USP3: variants seen among roughly 807,000 people sequenced by gnomAD.
The protein encoded by USP3 is ubiquitin carboxyl-terminal hydrolase 3.
Under a neutral mutation model 72.3 loss-of-function variants are expected in USP3, and 20 were observed. The ratio of observed to expected loss-of-function variants is 0.28; its 90% CI spans 0.19 to 0.40. USP3 has a LOEUF of 0.40. Among genes scored for constraint, USP3 ranks in the 10% least tolerant of loss-of-function variants. The probability of loss-of-function intolerance (pLI) is 1.00; values close to 1 mark genes in which losing one functional copy is unlikely to be tolerated. For synonymous variants in USP3, 222 were observed against 225.3 expected (o/e 0.99, Z 0.13); for missense variants, 479 against 633.9 (o/e 0.76, Z 2.62).
intron 3 of USP3, among the ~76,000 whole-genome samples, chr15:63,543,790 AAC>A (rs2066280239): frequency 6.6e-6 from 1 of 152,258 alleles, no homozygotes; most frequent in South Asian, 2.1e-4. Context: ...ATCTAATAAA[AAC>A]ACAGACTAAT....
At chr15:63,525,365 ATCTCCTGTTGCCCTTTATGAGAAC>A (rs996643820) in intron 1 of USP3, among the ~76,000 whole-genome samples, 3 of 152,022 alleles carry the variant, frequency 2.0e-5, no homozygotes, top group Admixed American at 6.6e-5. Flanking sequence ...GACCCTAAGT[ATCTCCTGTTGCCCTTTATGAGAAC>A]TCTCCTGTTG....
Position 63,570,529 on chromosome 15 carries a change from A to C in USP3, c.858A>C (p.Ser286=). The C allele has an allele frequency of 6.2e-7, 1 of 1,614,208 alleles. No individual in the cohort carries two copies. The highest frequency in any genetic ancestry group is 8.5e-7 in the Non-Finnish European group (1 of 1,180,016). Residue 286 remains serine, a synonymous_variant, in exon 9 of 15, where the codon TCA becomes TCC. Coordinates refer to ENST00000380324, the MANE Select transcript of USP3 (RefSeq NM_006537.4). This position sits in a 1 kb window ranked among gnomAD's most constrained non-coding sequence, Gnocchi z 4.4. ...GCGGTTTCAACGGTGTTTCCCGCTC[A>C]GCAATTCTGCAGGAGAATTCTACTC... ...LQGGFNGVSR[S]AILQENSTLS...
chr15:63,576,135 T>TA (rs1239260820), intron 11 of USP3, among the ~76,000 whole-genome samples: 1 of 152,012 alleles, frequency 6.6e-6, no homozygotes, highest in African/African-American at 2.4e-5. Flanking sequence ...TACAGGCGTA[T>TA]GCCACCACAC....
At chr15:63,546,590 C>G (rs1245023139) in intron 3 of USP3, among the ~76,000 whole-genome samples, 1 of 151,956 alleles carries the variant, frequency 6.6e-6, no homozygotes, top group Non-Finnish European at 1.5e-5. Flanking sequence ...ATCTGTTTGC[C>G]TTTATTTTAT....
At chr15:63,519,544 C>T (rs1406884396) in intron 1 of USP3, among the ~76,000 whole-genome samples, 3 of 152,118 alleles carry the variant, frequency 2.0e-5, no homozygotes, top group African/African-American at 7.2e-5. Context: ...TTTGGTGATA[C>T]TAACTTTGAT....
At position 63,508,191 on chromosome 15, in the gene USP3, A is replaced by G. The variant is rs78247053; in HGVS notation, c.91+3361A>G. Among the ~76,000 whole-genome samples, 658 of 152,316 alleles carry G rather than the reference A, an allele frequency of 4.3e-3. 7 individuals carry two copies. The highest frequency in any genetic ancestry group is 0.015 in the African/African-American group (633 of 41,570). Reference sequence around the variant, plus strand: ...TGGATCCCCTGAATGGGTCCTGGAAACTTTCAGGGGTCCAGGACCACACTT... The same window carrying G: ...TGGATCCCCTGAATGGGTCCTGGAAGCTTTCAGGGGTCCAGGACCACACTT... On this transcript the variant is annotated intron_variant, in intron 1 of 14. Transcript: ENST00000380324.
intron 1 of USP3, among the ~76,000 whole-genome samples, chr15:63,524,054 A>G (rs1010889710): frequency 3.3e-5 from 5 of 152,182 alleles, no homozygotes. Context: ...GAAGGTTTTA[A>G]ACTTACTTGT....
intron 3 of USP3, among the ~76,000 whole-genome samples, chr15:63,542,732 A>C (rs1238327561): frequency 1.3e-5 from 2 of 152,158 alleles, no homozygotes; most frequent in African/African-American, 4.8e-5. Context: ...AGCAAACATC[A>C]TATACTAAAT....
intron 1 of USP3, among the ~76,000 whole-genome samples, chr15:63,507,743 C>T (rs2065732104): frequency 6.6e-6 from 1 of 152,192 alleles, no homozygotes; most frequent in South Asian, 2.1e-4. Flanking sequence ...GTGGTTCTTA[C>T]ACTTTTTGAT....
At chr15:63,541,885 CA>C (rs1445223851) in intron 3 of USP3, among the ~76,000 whole-genome samples, 13 of 151,950 alleles carry the variant, frequency 8.6e-5, no homozygotes, top group African/African-American at 3.1e-4. Context: ...TGTCATGTGT[CA>C]GGGGTGTTTG....
rs771603262 is a variant in USP3, at chr15:63,574,365, C to G, written c.1058C>G (p.Ser353Cys). ...CCAAGTCAGTTCAGAAGTAAGCGCT[C>G]TAAGAATCAAGAAAATGGACCAGTT... Reference protein sequence around the residue: ...DIPSQFRSKRSKNQENGPVCS... With the variant: ...DIPSQFRSKRCKNQENGPVCS... The change falls in exon 11 of 15, where the codon TCT becomes TGT. Residue 353 changes from serine (S) to cysteine (C), a missense_variant. By Grantham distance (112) the Ser-to-Cys change is moderately radical (BLOSUM62 -1). Coordinates refer to ENST00000380324, the MANE Select transcript of USP3 (RefSeq NM_006537.4). The surrounding 1 kb of genome is among the most constrained non-coding windows in gnomAD (Gnocchi z 4.6). The G allele has an allele frequency of 5.6e-6, 9 of 1,605,442 alleles. No homozygotes were observed. In the African/African-American group the frequency reaches 1.2e-4, roughly 22 times the overall value.
chr15:63,506,991 C>T (rs1176711090), intron 1 of USP3, among the ~76,000 whole-genome samples: 1 of 152,144 alleles, frequency 6.6e-6, no homozygotes, highest in Non-Finnish European at 1.5e-5. Context: ...TCTTGCGTGC[C>T]TGTCGTTTCA....
intron 1 of USP3, 62 bp downstream of exon 1, chr15:63,504,892 C>T: frequency 3.2e-6 from 4 of 1,269,630 alleles, no homozygotes; most frequent in Middle Eastern, 2.9e-4. Context: ...CCGGGCCTGC[C>T]GTCTAGGGGC....
chr15:63,568,059 T>C (rs193224010), intron 8 of USP3, among the ~76,000 whole-genome samples: 197 of 152,170 alleles, frequency 1.3e-3, no homozygotes, highest in Non-Finnish European at 2.4e-3. Flanking sequence ...AGTGTTAAAA[T>C]TGGAGCCATA....
intron 11 of USP3, among the ~76,000 whole-genome samples, chr15:63,581,709 T>G (rs2066967134): frequency 6.8e-6 from 1 of 146,344 alleles, no homozygotes; most frequent in African/African-American, 2.5e-5. Context: ...TGTTTGTTTT[T>G]TAAAAGACAG....
At chr15:63,531,329 T>C (rs1315958708) in intron 1 of USP3, among the ~76,000 whole-genome samples, 1 of 151,968 alleles carries the variant, frequency 6.6e-6, no homozygotes, top group Non-Finnish European at 1.5e-5. Context: ...AAAAAAACAT[T>C]GAAATAAAAT....
chr15:63,582,282 G>A (rs1406500138), intron 11 of USP3, among the ~76,000 whole-genome samples: 12 of 152,168 alleles, frequency 7.9e-5, no homozygotes, highest in Non-Finnish European at 2.9e-5. Flanking sequence ...AGTGGTAGTG[G>A]AGATTGTTCT....
In USP3 at chr15:63,588,785, A is replaced by C. The variant is rs184129147; in HGVS notation, c.1299A>C (p.Arg433Ser). The change falls in exon 13 of 15, where the codon AGA (arginine) becomes AGC (serine). Residue 433 changes from arginine to serine, a missense_variant. Arg to Ser is a moderately radical substitution (Grantham distance 110, BLOSUM62 -1). Coordinates refer to ENST00000380324, the MANE Select transcript of USP3 (RefSeq NM_006537.4). This position sits in a 1 kb window ranked among gnomAD's most constrained non-coding sequence, Gnocchi z 4.6. ...KVDTYVEFPL[R>S]GLDMKCYLLE... ...ATACATACGTAGAATTTCCACTGAGAGGCCTAGACATGAAATGCTACTTAC... is the reference window on the plus strand; with the variant it reads ...ATACATACGTAGAATTTCCACTGAGCGGCCTAGACATGAAATGCTACTTAC... 6 of 1,614,164 alleles carry C rather than the reference A, an allele frequency of 3.7e-6. No individual in the cohort carries two copies. The Admixed American group carries it at 1.0e-4, about 27-fold the overall frequency.
chr15:63,520,331 A>G (rs994478126), intron 1 of USP3, among the ~76,000 whole-genome samples: 3 of 152,134 alleles, frequency 2.0e-5, no homozygotes, highest in Non-Finnish European at 2.9e-5. Context: ...CATTTGCACA[A>G]TTCTATAATC....
Sources: gnomAD v4.1 joint callset for allele counts (sites outside exome capture counted in the v4.1 genomes callset) on GRCh38, gnomAD v4.1.1 for gene constraint, Gnocchi (gnomAD v3.1) non-coding constraint, MANE v1.5 for transcripts, NCBI Gene and HGNC (gene_info 2026-07-23, HGNC 2026-07-21) for gene names.